CDYL2: variants seen among roughly 807,000 people sequenced by gnomAD.
CDYL2 encodes chromodomain Y like 2, also known as chromodomain Y-like protein 2.
Under a neutral mutation model 49.4 loss-of-function variants are expected in CDYL2, and 23 were observed. The observed-to-expected ratio is 0.47, with a 90% CI of 0.34 to 0.66. The LOEUF (loss-of-function observed/expected upper bound fraction) is 0.66, where lower values mean the gene tolerates loss of function less well. Among genes scored for constraint, CDYL2 ranks in the 30% least tolerant of loss-of-function variants. The probability of loss-of-function intolerance (pLI) is 0.01; values close to 1 mark genes in which losing one functional copy is unlikely to be tolerated. For synonymous variants in CDYL2, 360 were observed against 268.8 expected, an observed-to-expected ratio of 1.34 and a Z score of -3.32; for missense variants, 678 against 656.4, an observed-to-expected ratio of 1.03 and a Z score of -0.36.
chr16:80,611,232 T>C (rs1262618893), intron 5 of CDYL2, among the ~76,000 whole-genome samples: 4 of 152,160 alleles, frequency 2.6e-5, no homozygotes, highest in Admixed American at 6.5e-5. Context: ...CCTGCACTCC[T>C]GGTGGGTGTG....
chr16:80,638,240 A>G (rs1204370086), intron 2 of CDYL2, among the ~76,000 whole-genome samples: 2 of 152,040 alleles, frequency 1.3e-5, no homozygotes, highest in Non-Finnish European at 2.9e-5. Flanking sequence ...ACACCTGGCT[A>G]TTTTATTATT....
At position 80,619,345 on chromosome 16, in the gene CDYL2, C is replaced by T. The variant is rs899295805; in HGVS notation, c.1007+1418G>A. On this transcript the variant is annotated intron_variant, in intron 4 of 6. Transcript: ENST00000570137. Reference sequence around the variant, plus strand: ...ATCTTTTGGGGGCCACACTTCAACTCACTACAAGGGGTCTGCATGCTAATG... The same window carrying T: ...ATCTTTTGGGGGCCACACTTCAACTTACTACAAGGGGTCTGCATGCTAATG... 3.9e-5 allele frequency among the ~76,000 whole-genome samples: 6 copies of T among 152,208 alleles called. No homozygotes were observed. The East Asian group carries it at 5.8e-4, about 15-fold the overall frequency.
chr16:80,681,664 C>A (rs1273876538), intron 2 of CDYL2, among the ~76,000 whole-genome samples: 1 of 152,152 alleles, frequency 6.6e-6, no homozygotes, highest in Non-Finnish European at 1.5e-5. Context: ...GTGGCTGGGA[C>A]AATTATCACA....
intron 1 of CDYL2, among the ~76,000 whole-genome samples, chr16:80,710,674 T>A (rs1451194032): frequency 6.6e-6 from 1 of 152,192 alleles, no homozygotes; most frequent in Non-Finnish European, 1.5e-5. Flanking sequence ...AGTTGTATTG[T>A]CACGATAGGA....
At chr16:80,737,173 T>G (rs141010872) in intron 1 of CDYL2, among the ~76,000 whole-genome samples, 1 of 152,282 alleles carries the variant, frequency 6.6e-6, no homozygotes, top group Non-Finnish European at 1.5e-5. Flanking sequence ...CAAGTCTGCT[T>G]GTACCTACCA....
Position 80,602,989 on chromosome 16 carries a change from ATGG to A in CDYL2, c.*1396_*1398del, listed in dbSNP as rs1567534930. On this transcript the variant is annotated 3_prime_UTR_variant, in exon 7 of 7. Coordinates refer to ENST00000570137, the MANE Select transcript of CDYL2 (RefSeq NM_152342.4). ...TAGTTAATCCAGGGACTTGAATCTG[ATGG>A]TCTAACACAGCTGCTGGAGTCCCCT... 2 of 152,156 alleles carry A rather than the reference ATGG, an allele frequency of 1.3e-5. No homozygotes were observed. Among genetic ancestry groups the A allele is most frequent in the Non-Finnish European group, 2.9e-5 (2 of 68,058 alleles). The allele number at this position is 152,156 out of a possible 1,614,324, so 9.4% of individuals were successfully genotyped here.
intron 1 of CDYL2, among the ~76,000 whole-genome samples, chr16:80,780,502 T>A (rs1347271841): frequency 6.6e-6 from 1 of 151,008 alleles, no homozygotes; most frequent in Non-Finnish European, 1.5e-5. Flanking sequence ...CCTCCCAGGT[T>A]CACGCCATTC....
rs1205854488 is a variant in CDYL2 at position 80,730,329 on chromosome 16, C to T, written c.25-45200G>A. Among the ~76,000 whole-genome samples, 10 of 151,924 alleles carry T rather than the reference C, an allele frequency of 6.6e-5. No individual in the cohort carries two copies. The East Asian group carries it at 1.5e-3, about 24-fold the overall frequency. ...TTAGAGAATGCTACAAACACCTCTA[C>T]GCAAATAAACTAGAAAATCTAGAAG... On this transcript the variant is annotated intron_variant, in intron 1 of 6. Transcript: ENST00000570137.
At chr16:80,629,569 G>C (rs1427139095) in intron 3 of CDYL2, among the ~76,000 whole-genome samples, 3 of 152,186 alleles carry the variant, frequency 2.0e-5, no homozygotes, top group Admixed American at 6.5e-5. Context: ...CAATCAAGGA[G>C]ACTGTGTCAT....
chr16:80,722,562 A>G (rs1232287567), intron 1 of CDYL2, among the ~76,000 whole-genome samples: 1 of 152,226 alleles, frequency 6.6e-6, no homozygotes, highest in Non-Finnish European at 1.5e-5. Flanking sequence ...TAATTGTCAG[A>G]ACATAACTAA....
chr16:80,714,884 C>G (rs904883473), intron 1 of CDYL2, among the ~76,000 whole-genome samples: 2 of 152,034 alleles, frequency 1.3e-5, no homozygotes, highest in Admixed American at 6.5e-5. Context: ...CCTTTAGTGG[C>G]CAGGCAGATT....
chr16:80,616,033 C>G (rs1198214163), intron 4 of CDYL2, among the ~76,000 whole-genome samples: 1 of 152,208 alleles, frequency 6.6e-6, no homozygotes, highest in Non-Finnish European at 1.5e-5. Flanking sequence ...ATCAGGCTGA[C>G]CTGACCCACA....
At chr16:80,679,008 A>T (rs201926640) in intron 2 of CDYL2, among the ~76,000 whole-genome samples, 23 of 148,146 alleles carry the variant, frequency 1.6e-4, no homozygotes, top group African/African-American at 3.5e-4. Context: ...AAACTATCGC[A>T]AGAACAAAAA....
At chr16:80,635,377 T>C (rs1190850559) in intron 2 of CDYL2, among the ~76,000 whole-genome samples, 1 of 152,140 alleles carries the variant, frequency 6.6e-6, no homozygotes, top group African/African-American at 2.4e-5. Context: ...AGTCTCAGGA[T>C]ACAAAATCAA....
Position 80,600,317 on chromosome 16 carries a change from A to G in CDYL2, c.*4071T>C, listed in dbSNP as rs1906025881. On this transcript the variant is annotated 3_prime_UTR_variant, in exon 7 of 7. Coordinates refer to ENST00000570137, the MANE Select transcript of CDYL2 (RefSeq NM_152342.4). ...TGATATTAATGAAAAATATTGCCTAAAACGCATATCCTAACTTATCACAGA... is the reference window on the plus strand; with the variant it reads ...TGATATTAATGAAAAATATTGCCTAGAACGCATATCCTAACTTATCACAGA... 1 of 152,218 alleles carries G rather than the reference A, an allele frequency of 6.6e-6. No individual in the cohort carries two copies. The highest frequency in any genetic ancestry group is 2.4e-5 in the African/African-American group (1 of 41,458). The allele number at this position is 152,218 out of a possible 1,614,324, so 9.4% of individuals were successfully genotyped here. A position where few individuals can be genotyped will look rare whatever the true frequency, so the allele number is the denominator to read the frequency against.
At position 80,644,958 on chromosome 16, in the gene CDYL2, C is replaced by G. The variant is rs574665413; in HGVS notation, c.617-11722G>C. The stretch of plus-strand genomic sequence containing the variant: ...CATATGTAGAAAGCTGAAACTGGAT[C>G]CCTTCCTTACACCTTATACAAAAAT... On this transcript the variant is annotated intron_variant, in intron 2 of 6. Transcript: ENST00000570137. Among the ~76,000 whole-genome samples the G allele has an allele frequency of 2.6e-5, 4 of 152,208 alleles. No homozygotes were observed. In the South Asian group the frequency reaches 8.3e-4, roughly 32 times the overall value.
At position 80,623,756 on chromosome 16, in the gene CDYL2, C is replaced by A. The variant is rs555017243; in HGVS notation, c.835-2821G>T. On this transcript the variant is annotated intron_variant, in intron 3 of 6. Coordinates refer to ENST00000570137, the MANE Select transcript of CDYL2 (RefSeq NM_152342.4). The stretch of plus-strand genomic sequence containing the variant: ...AGAAGTTTGCAAGTATGGGGTGGAG[C>A]TAGACTAGGACTCAGGAAGTCAGAC... Among the ~76,000 whole-genome samples the A allele has an allele frequency of 5.9e-5, 9 of 152,270 alleles. No individual in the cohort carries two copies. In the South Asian group the frequency reaches 1.9e-3, roughly 32 times the overall value.
chr16:80,665,267 C>A (rs943280371), intron 2 of CDYL2, among the ~76,000 whole-genome samples: 1 of 152,130 alleles, frequency 6.6e-6, no homozygotes, highest in African/African-American at 2.4e-5. Flanking sequence ...CGTCTATAAT[C>A]TCCTTGCTTC....
intron 1 of CDYL2, among the ~76,000 whole-genome samples, chr16:80,760,247 C>T (rs927834153): frequency 1.3e-5 from 2 of 152,230 alleles, no homozygotes; most frequent in Admixed American, 1.3e-4. Flanking sequence ...AAGAAAGCCT[C>T]CTGTTACACA....
Sources: gnomAD v4.1 joint callset for allele counts (sites outside exome capture counted in the v4.1 genomes callset) on GRCh38, gnomAD v4.1.1 for gene constraint, MANE v1.5 for transcripts, NCBI Gene and HGNC (gene_info 2026-07-23, HGNC 2026-07-21) for gene names.